CDH4: variants seen among roughly 807,000 people sequenced by gnomAD.
CDH4 encodes cadherin 4.
Under a neutral mutation model 86.0 loss-of-function variants are expected in CDH4, and 33 were observed. That is an observed-to-expected ratio of 0.38 (90% CI 0.29 to 0.51). The LOEUF is 0.51. Among genes scored for constraint, CDH4 ranks in the 20% least tolerant of loss-of-function variants. CDH4 has a pLI of 0.86. For missense variants in CDH4, 1,114 were observed against 1,307.4 expected (o/e 0.85, Z 2.28); for synonymous variants, 555 against 549.4 (o/e 1.01, Z -0.14).
intron 2 of CDH4, among the ~76,000 whole-genome samples, chr20:61,479,196 T>G (rs948574524): frequency 6.6e-6 from 1 of 152,018 alleles, no homozygotes; most frequent in African/African-American, 2.4e-5. Flanking sequence ...TTTTGTTTTA[T>G]GCAAGGGTGT....
chr20:61,253,608 C>A (rs539122460), intron 1 of CDH4, among the ~76,000 whole-genome samples: 29 of 152,206 alleles, frequency 1.9e-4, no homozygotes, highest in African/African-American at 7.0e-4. Flanking sequence ...CTTTCCTGGG[C>A]GAGTTGAGCC....
intron 2 of CDH4, among the ~76,000 whole-genome samples, chr20:61,620,342 G>GGATA (rs1379525469): frequency 2.0e-5 from 3 of 151,926 alleles, no homozygotes; most frequent in Non-Finnish European, 4.4e-5. Flanking sequence ...ATAGATGGAT[G>GGATA]GATAGATAGA....
rs557022084 is a variant in CDH4, at chr20:61,530,135, C to T, written c.170-213428C>T. ...ACAACCTCCGCCTCCCAGGTTCAAG[C>T]GATTCTCCTGCCTCAGCCTCCTGAG... On this transcript the variant is annotated intron_variant, in intron 2 of 15. Coordinates refer to ENST00000614565, the MANE Select transcript of CDH4 (RefSeq NM_001794.5). Among the ~76,000 whole-genome samples, 174 of 152,234 alleles carry T rather than the reference C, an allele frequency of 1.1e-3. 1 individual carries two copies. The Middle Eastern group carries it at 0.017, about 15-fold the overall frequency.
intron 2 of CDH4, among the ~76,000 whole-genome samples, chr20:61,308,967 T>C (rs988664989): frequency 1.3e-5 from 2 of 152,234 alleles, no homozygotes; most frequent in African/African-American, 4.8e-5. Flanking sequence ...GCAGAGGTGC[T>C]CTGAGGCCTC....
rs150313103 is a variant in CDH4, at chr20:61,714,337, C to T, written c.170-29226C>T. ...CTGGGATTACAGGCGTGAGCCACCA[C>T]GCCGAGAACCATTGTCTATTCTTTA... On this transcript the variant is annotated intron_variant, in intron 2 of 15. Transcript: ENST00000614565. Among the ~76,000 whole-genome samples, 42 of 152,278 alleles carry T rather than the reference C, an allele frequency of 2.8e-4. No individual in the cohort carries two copies. The East Asian group carries it at 7.7e-3, about 28-fold the overall frequency.
intron 2 of CDH4, among the ~76,000 whole-genome samples, chr20:61,382,011 A>G (rs8123989): frequency 0.24 from 37,105 of 151,454 alleles, 4,922 homozygotes; most frequent in African/African-American, 0.34. Context: ...GGGAGGCAGA[A>G]GTTGCAGTGA....
At chr20:61,862,319 C>T (rs1983366969) in intron 6 of CDH4, among the ~76,000 whole-genome samples, 1 of 152,182 alleles carries the variant, frequency 6.6e-6, no homozygotes, top group Non-Finnish European at 1.5e-5. Context: ...CAGCCTGACC[C>T]CGGGGGCAGC....
In CDH4 at chr20:61,328,937, A is replaced by G. The variant is rs968681820; in HGVS notation, c.169+74000A>G. Among the ~76,000 whole-genome samples the G allele has an allele frequency of 6.6e-5, 10 of 152,340 alleles. No individual in the cohort carries two copies. The East Asian group carries it at 1.9e-3, about 29-fold the overall frequency. On this transcript the variant is annotated intron_variant, in intron 2 of 15. Transcript: ENST00000614565. The stretch of plus-strand genomic sequence containing the variant: ...TAAACCCATTGCAAGTTGAAAAGAT[A>G]GCTAGTTGAAAATGCACTTAATACA...
chr20:61,576,653 G>A (rs1479234837), intron 2 of CDH4, among the ~76,000 whole-genome samples: 1 of 152,216 alleles, frequency 6.6e-6, no homozygotes, highest in East Asian at 1.9e-4. Context: ...CTCTGGGCCA[G>A]ATGGAGCCTT....
chr20:61,433,621 T>C (rs771066326), intron 2 of CDH4, among the ~76,000 whole-genome samples: 16 of 152,144 alleles, frequency 1.1e-4, no homozygotes, highest in African/African-American at 3.4e-4. Flanking sequence ...AACTTGTACG[T>C]GAGTTCTAGT....
At chr20:61,724,082 C>T (rs201801146) in intron 2 of CDH4, among the ~76,000 whole-genome samples, 2 of 27,332 alleles carry the variant, frequency 7.3e-5, no homozygotes, top group Admixed American at 9.2e-4. Flanking sequence ...TGCGGCAGGG[C>T]GGGTGGGTCC....
At position 61,530,036 on chromosome 20, in the gene CDH4, G is replaced by T. The variant is rs558798934; in HGVS notation, c.170-213527G>T. Among the ~76,000 whole-genome samples, 43 of 151,688 alleles carry T rather than the reference G, an allele frequency of 2.8e-4. 1 individual carries two copies. In the South Asian group the frequency reaches 6.7e-3, roughly 24 times the overall value. On this transcript the variant is annotated intron_variant, in intron 2 of 15. Transcript: ENST00000614565. ...TGTTTTTGTTTGTTTGTTTGTTTGT[G>T]TGTTTGTTTGTTTTGAGAGGGAGTC...
chr20:61,739,279 C>T (rs985533128), intron 2 of CDH4, among the ~76,000 whole-genome samples: 1 of 152,208 alleles, frequency 6.6e-6, no homozygotes, highest in Non-Finnish European at 1.5e-5. Flanking sequence ...CAAAGCAGGA[C>T]AGAAGCCCCC....
At chr20:61,628,210 C>T (rs370339554) in intron 2 of CDH4, among the ~76,000 whole-genome samples, 2 of 152,184 alleles carry the variant, frequency 1.3e-5, no homozygotes, top group South Asian at 2.1e-4. Context: ...CCAGGACCCC[C>T]GGCTGCTGCG....
chr20:61,923,370 C>G, intron 9 of CDH4, 81 bp from the exon 10 acceptor site: 2 of 1,451,544 alleles, frequency 1.4e-6, no homozygotes, highest in African/African-American at 1.4e-5. Context: ...GGGGTGGAGA[C>G]CAACCTTCCC....
chr20:61,730,960 G>T (rs1471022302), intron 2 of CDH4, among the ~76,000 whole-genome samples: 2 of 152,134 alleles, frequency 1.3e-5, no homozygotes, highest in African/African-American at 4.8e-5. Flanking sequence ...CCACGTGGAA[G>T]GTAGCACCCC....
rs76225199 is a variant in CDH4 at position 61,309,118 on chromosome 20, C to T, written c.169+54181C>T. Among the ~76,000 whole-genome samples, 7 of 152,372 alleles carry T rather than the reference C, an allele frequency of 4.6e-5. No homozygotes were observed. In the East Asian group the frequency reaches 1.2e-3, roughly 25 times the overall value. On this transcript the variant is annotated intron_variant, in intron 2 of 15. Coordinates refer to ENST00000614565, the MANE Select transcript of CDH4 (RefSeq NM_001794.5). The stretch of plus-strand genomic sequence containing the variant: ...GCAGAGCATGGAGCCAAGCACAGGG[C>T]GCTTCTGAGCGCGAGGCTGGCCCTG...
chr20:61,905,747 T>TA (rs1422152243), intron 8 of CDH4, among the ~76,000 whole-genome samples: 4 of 152,152 alleles, frequency 2.6e-5, no homozygotes, highest in African/African-American at 9.7e-5. Flanking sequence ...CTAGGTCACT[T>TA]ACCTGGTTGT....
chr20:61,773,655 G>A (rs2088806043), intron 4 of CDH4, among the ~76,000 whole-genome samples: 1 of 152,212 alleles, frequency 6.6e-6, no homozygotes, highest in Non-Finnish European at 1.5e-5. Context: ...TTTTACCGCA[G>A]AAATAATTTA....
Sources: allele counts gnomAD v4.1 joint callset (sites outside exome capture counted in the v4.1 genomes callset), GRCh38; gene constraint gnomAD v4.1.1; transcripts MANE v1.5; gene names NCBI Gene and HGNC (gene_info 2026-07-23, HGNC 2026-07-21).